CCSER1: variants seen among roughly 807,000 people sequenced by gnomAD.
CCSER1 encodes the protein serine-rich coiled-coil domain-containing protein 1.
Under a neutral mutation model 82.0 loss-of-function variants are expected in CCSER1, and 41 were observed. The observed-to-expected ratio is 0.50, with a 90% CI of 0.39 to 0.65. The LOEUF (loss-of-function observed/expected upper bound fraction) is 0.65, where lower values mean the gene tolerates loss of function less well. CCSER1 is among the 30% of genes least tolerant of loss of function. The pLI is 0.00. For synonymous variants in CCSER1, 414 were observed against 383.9 expected (o/e 1.08, Z -0.92); for missense variants, 1,119 against 1,064.2 (o/e 1.05, Z -0.72).
chr4:91,303,414 A>G (rs181754188), intron 10 of CCSER1, among the ~76,000 whole-genome samples: 5 of 152,158 alleles, frequency 3.3e-5, no homozygotes, highest in African/African-American at 4.8e-5. Flanking sequence ...GAACATAGGC[A>G]AAAAGTAAGG....
intron 7 of CCSER1, among the ~76,000 whole-genome samples, chr4:90,731,835 A>G (rs1744797365): frequency 6.6e-6 from 1 of 152,120 alleles, no homozygotes; most frequent in Admixed American, 6.6e-5. Context: ...ATAATAATTT[A>G]TTATTGATGT....
intron 6 of CCSER1, among the ~76,000 whole-genome samples, chr4:90,684,474 T>A (rs2149197415): frequency 6.6e-6 from 1 of 152,316 alleles, no homozygotes; most frequent in Non-Finnish European, 1.5e-5. Flanking sequence ...TTAGAAGGAA[T>A]TTTTAAATGC....
chr4:91,019,489 A>AT (rs1739733561), intron 9 of CCSER1, among the ~76,000 whole-genome samples: 1 of 152,184 alleles, frequency 6.6e-6, no homozygotes, highest in Non-Finnish European at 1.5e-5. Flanking sequence ...TATTGAGAGC[A>AT]TAGTAAACAA....
intron 10 of CCSER1, among the ~76,000 whole-genome samples, chr4:91,461,049 A>G (rs2149430992): frequency 6.6e-6 from 1 of 152,050 alleles, no homozygotes; most frequent in South Asian, 2.1e-4. Context: ...AACACATACC[A>G]CTCTGAGGTA....
intron 9 of CCSER1, among the ~76,000 whole-genome samples, chr4:91,005,030 G>T (rs1235914177): frequency 6.6e-6 from 1 of 152,150 alleles, no homozygotes; most frequent in Admixed American, 6.5e-5. Flanking sequence ...GGACAGCATT[G>T]TCCTGGACAT....
intron 10 of CCSER1, among the ~76,000 whole-genome samples, chr4:91,535,257 CA>C (rs2110178963): frequency 6.6e-6 from 1 of 151,732 alleles, no homozygotes; most frequent in East Asian, 1.9e-4. Flanking sequence ...TTGATTTAGC[CA>C]ATTTATGACA....
chr4:90,838,073 G>GA (rs982637883), intron 8 of CCSER1, among the ~76,000 whole-genome samples: 9 of 150,910 alleles, frequency 6.0e-5, no homozygotes, highest in Admixed American at 1.3e-4. Context: ...GTATAAAAAA[G>GA]AAAAAAAACC....
At position 90,258,001 on chromosome 4, in the gene CCSER1, G is replaced by A. The variant is rs960337171; in HGVS notation, c.-41-50243G>A. Among the ~76,000 whole-genome samples the A allele has an allele frequency of 8.5e-5, 13 of 152,228 alleles. No individual in the cohort carries two copies. In the East Asian group the frequency reaches 2.5e-3, roughly 29 times the overall value. On this transcript the variant is annotated intron_variant, in intron 1 of 10. Transcript: ENST00000509176. ...CAATAATGTTTAACCAAATACCTGG[G>A]CAGTCTGTGGTCCAGTCAAGTTGAC...
intron 8 of CCSER1, among the ~76,000 whole-genome samples, chr4:90,853,039 G>A (rs371282484): frequency 6.6e-6 from 1 of 151,782 alleles, no homozygotes; most frequent in South Asian, 2.1e-4. Context: ...GATAAAGTAC[G>A]GAATAAAGAA....
intron 10 of CCSER1, among the ~76,000 whole-genome samples, chr4:91,191,478 G>A (rs1734991244): frequency 6.6e-6 from 1 of 152,074 alleles, no homozygotes. Context: ...TATGAATTTT[G>A]ATAAGTGATG....
At chr4:91,377,800 T>C (rs1338909949) in intron 10 of CCSER1, among the ~76,000 whole-genome samples, 1 of 152,200 alleles carries the variant, frequency 6.6e-6, no homozygotes, top group Non-Finnish European at 1.5e-5. Context: ...TTGCTTTTGG[T>C]GTTTTAGACA....
intron 10 of CCSER1, among the ~76,000 whole-genome samples, chr4:91,097,170 A>T (rs1486960391): frequency 6.6e-6 from 1 of 152,194 alleles, no homozygotes; most frequent in Non-Finnish European, 1.5e-5. Flanking sequence ...ATTCTGTATC[A>T]CAGGTCTAAA....
chr4:91,566,345 TTTTC>T (rs1252499865), intron 10 of CCSER1, among the ~76,000 whole-genome samples: 5 of 151,954 alleles, frequency 3.3e-5, no homozygotes, highest in African/African-American at 9.7e-5. Context: ...TTGGACTAAG[TTTTC>T]TTTCTTTGTT....
intron 10 of CCSER1, among the ~76,000 whole-genome samples, chr4:91,211,904 T>G (rs749663461): frequency 6.6e-6 from 1 of 152,030 alleles, no homozygotes; most frequent in African/African-American, 2.4e-5. Context: ...TTAAAAAAAT[T>G]TGTGGAAGAG....
At chr4:90,939,557 A>G (rs943398455) in intron 9 of CCSER1, among the ~76,000 whole-genome samples, 5 of 152,152 alleles carry the variant, frequency 3.3e-5, no homozygotes, top group African/African-American at 1.2e-4. Context: ...GAATGGCTCA[A>G]TGTTGTGGTC....
chr4:90,645,831 C>G (rs1362165261), intron 6 of CCSER1, among the ~76,000 whole-genome samples: 1 of 152,156 alleles, frequency 6.6e-6, no homozygotes, highest in Non-Finnish European at 1.5e-5. Context: ...TATTGAGAAA[C>G]ATATCTATTT....
intron 1 of CCSER1, among the ~76,000 whole-genome samples, chr4:90,160,102 G>A (rs1729146048): frequency 6.6e-6 from 1 of 152,142 alleles, no homozygotes; most frequent in African/African-American, 2.4e-5. Context: ...CAGCTTGTTG[G>A]GGGCAGAGCA....
intron 4 of CCSER1, among the ~76,000 whole-genome samples, chr4:90,409,388 G>A (rs576991289): frequency 6.0e-4 from 91 of 152,256 alleles, no homozygotes; most frequent in Non-Finnish European, 1.2e-3. Flanking sequence ...GAGAAAGGTC[G>A]GGTTACCCAC....
At chr4:90,283,343 T>G (rs1223647885) in intron 1 of CCSER1, among the ~76,000 whole-genome samples, 5 of 151,954 alleles carry the variant, frequency 3.3e-5, no homozygotes, top group Non-Finnish European at 7.4e-5. Flanking sequence ...GTATTTTTAT[T>G]ATACATGTTT....
Sources: gnomAD v4.1 joint callset for allele counts (sites outside exome capture counted in the v4.1 genomes callset) on GRCh38, gnomAD v4.1.1 for gene constraint, MANE v1.5 for transcripts, NCBI Gene and HGNC (gene_info 2026-07-23, HGNC 2026-07-21) for gene names.